Variants in ADGRV1 observed in about 807,000 individuals in gnomAD.
ADGRV1 encodes adhesion G protein-coupled receptor V1.
In ADGRV1, 359 loss-of-function variants were observed where a neutral mutation model predicts 596.2. The ratio of observed to expected loss-of-function variants is 0.60; its 90% CI spans 0.55 to 0.66. The LOEUF (loss-of-function observed/expected upper bound fraction) is 0.66, where lower values mean the gene tolerates loss of function less well. ADGRV1 is among the 30% of genes least tolerant of loss of function. The probability of loss-of-function intolerance (pLI) is 0.00; values close to 1 mark genes in which losing one functional copy is unlikely to be tolerated. For synonymous variants in ADGRV1, 2,681 were observed against 2,679.2 expected, an observed-to-expected ratio of 1.00 and a Z score of -0.02; for missense variants, 7,274 against 7,575.6, an observed-to-expected ratio of 0.96 and a Z score of 1.48.
chr5:90,758,613 A>G (rs949798632), intron 57 of ADGRV1, among the ~76,000 whole-genome samples: 2 of 152,162 alleles, frequency 1.3e-5, no homozygotes, highest in African/African-American at 4.8e-5. Context: ...ATTTGATTTT[A>G]TTCATGTTTC....
chr5:90,647,803 G>C (rs781269131), intron 17 of ADGRV1, 39 bp downstream of exon 17: 3 of 1,569,544 alleles, frequency 1.9e-6, no homozygotes, highest in Non-Finnish European at 2.6e-6. Flanking sequence ...ATCTGCCTCA[G>C]TGCTTTAATA....
intron 11 of ADGRV1, among the ~76,000 whole-genome samples, chr5:90,639,026 A>C (rs68045375): frequency 0.18 from 27,447 of 151,656 alleles, 2,670 homozygotes; most frequent in East Asian, 0.4. Flanking sequence ...AAAACAACCA[A>C]AATACCAAGC....
chr5:90,560,553 G>C (rs939353879), intron 1 of ADGRV1, among the ~76,000 whole-genome samples: 2 of 152,018 alleles, frequency 1.3e-5, no homozygotes, highest in Non-Finnish European at 2.9e-5. Context: ...TTTTCCAAAT[G>C]CTCTTAGGAC....
At chr5:90,926,507 T>A (rs1160651717) in intron 83 of ADGRV1, among the ~76,000 whole-genome samples, 2 of 151,536 alleles carry the variant, frequency 1.3e-5, no homozygotes, top group Non-Finnish European at 2.9e-5. Context: ...ATTGTGTCTA[T>A]TTGATTCTTC....
At chr5:91,129,725 TA>T (rs1426959964) in intron 87 of ADGRV1, among the ~76,000 whole-genome samples, 1 of 152,072 alleles carries the variant, frequency 6.6e-6, no homozygotes, top group Non-Finnish European at 1.5e-5. Flanking sequence ...TTTCAACTAT[TA>T]AAAAAAATCA....
At chr5:91,080,115 T>A (rs913563886) in intron 86 of ADGRV1, among the ~76,000 whole-genome samples, 2 of 152,198 alleles carry the variant, frequency 1.3e-5, no homozygotes, top group South Asian at 4.1e-4. Context: ...GTAACATACA[T>A]AGAATGTGTA....
chr5:90,914,442 G>A (rs1773169429), intron 83 of ADGRV1, among the ~76,000 whole-genome samples: 1 of 152,094 alleles, frequency 6.6e-6, no homozygotes, highest in Non-Finnish European at 1.5e-5. Flanking sequence ...TGATGAAACT[G>A]AGTTTAAATA....
intron 89 of ADGRV1, among the ~76,000 whole-genome samples, chr5:91,163,393 G>C (rs756955798): frequency 1.3e-5 from 2 of 152,052 alleles, no homozygotes; most frequent in Non-Finnish European, 2.9e-5. Context: ...ATGAATTCGG[G>C]GCCTATATGT....
intron 83 of ADGRV1, among the ~76,000 whole-genome samples, chr5:90,874,872 C>T (rs1769081786): frequency 1.3e-5 from 2 of 151,662 alleles, no homozygotes; most frequent in South Asian, 4.2e-4. Context: ...AAACAAAAAA[C>T]AAAAAACAAC....
chr5:90,787,922 A>T, intron 67 of ADGRV1, 149 bp from the exon 68 acceptor site: 1 of 550,252 alleles, frequency 1.8e-6, no homozygotes, highest in South Asian at 5.4e-5. Flanking sequence ...AAAAAAAAAC[A>T]AGTTTATGAA....
chr5:90,653,347 T>C lies in ADGRV1; in HGVS notation c.3773T>C (p.Leu1258Pro). Residue 1258 changes from leucine to proline, a missense_variant, in exon 20 of 90, where the codon CTG (leucine) becomes CCG (proline). By Grantham distance (98) the Leu-to-Pro change is moderately conservative. Transcript: ENST00000405460. ...CLEREVAEDV[L>P]SEDDMSYITN... ...GAGAGAGAAGTGGCAGAAGATGTCCTGTCTGAAGATGATATGTCTTATATT... is the reference window on the plus strand; with the variant it reads ...GAGAGAGAAGTGGCAGAAGATGTCCCGTCTGAAGATGATATGTCTTATATT... 1 of 1,614,000 alleles carries C rather than the reference T, an allele frequency of 6.2e-7. No homozygotes were observed. The highest frequency in any genetic ancestry group is 8.5e-7 in the Non-Finnish European group (1 of 1,179,874).
chr5:91,034,539 T>C (rs1784719214), intron 85 of ADGRV1, among the ~76,000 whole-genome samples: 1 of 152,174 alleles, frequency 6.6e-6, no homozygotes, highest in South Asian at 2.1e-4. Context: ...CTTGGCCTAA[T>C]TCCTTATCAC....
At position 90,888,308 on chromosome 5, in the gene ADGRV1, A is replaced by G. The variant is rs370239602; in HGVS notation, c.17856+24451A>G. Among the ~76,000 whole-genome samples the G allele has an allele frequency of 3.9e-5, 6 of 152,282 alleles. No homozygotes were observed. In the East Asian group the frequency reaches 9.7e-4, roughly 24 times the overall value. Reference sequence around the variant, plus strand: ...ATTTCATTTTTAAGCAGAAATATTTATGTAGATTTCTGCCTCATTACTGCA... The same window carrying G: ...ATTTCATTTTTAAGCAGAAATATTTGTGTAGATTTCTGCCTCATTACTGCA... On this transcript the variant is annotated intron_variant, in intron 83 of 89. Coordinates refer to ENST00000405460, the MANE Select transcript of ADGRV1 (RefSeq NM_032119.4).
chr5:90,933,416 C>T (rs138672272), intron 83 of ADGRV1, among the ~76,000 whole-genome samples: 205 of 152,184 alleles, frequency 1.3e-3, no homozygotes, highest in African/African-American at 4.3e-3. Context: ...ATGCATGTAG[C>T]TGGGGGATAC....
chr5:90,730,410 T>C (rs980262841), intron 50 of ADGRV1, among the ~76,000 whole-genome samples: 1 of 152,178 alleles, frequency 6.6e-6, no homozygotes, highest in Admixed American at 6.6e-5. Flanking sequence ...TTTTAAAATA[T>C]GAAAGTATGT....
rs191054838 is a variant in ADGRV1 at position 90,675,762 on chromosome 5, T to G, written c.5313+317T>G. 2.1e-3 allele frequency among the ~76,000 whole-genome samples: 312 copies of G among 151,776 alleles called. 2 individuals are homozygous for G. Among genetic ancestry groups the G allele is most frequent in the African/African-American group, 7.1e-3 (295 of 41,364 alleles). ...ATGATCCCACCACTGCACTCCAGCC[T>G]TGGTGACATTGTGAGACTCTGTCTC... On this transcript the variant is annotated intron_variant, in intron 24 of 89. Transcript: ENST00000405460.
At chr5:90,797,507 G>A (rs1760874284) in intron 70 of ADGRV1, among the ~76,000 whole-genome samples, 2 of 152,044 alleles carry the variant, frequency 1.3e-5, no homozygotes, top group East Asian at 1.9e-4. Context: ...AAGAGACTTA[G>A]ACTCCCACAC....
rs1375944066 is a variant in ADGRV1, at chr5:91,164,429, A to C, written c.*529A>C. 1 of 176,472 alleles carries C rather than the reference A, an allele frequency of 5.7e-6. No individual in the cohort carries two copies. The highest frequency in any genetic ancestry group is 2.4e-5 in the African/African-American group (1 of 42,032). The allele number at this position is 176,472 out of a possible 1,614,324, so 10.9% of individuals were successfully genotyped here. On this transcript the variant is annotated 3_prime_UTR_variant, in exon 90 of 90. Coordinates refer to ENST00000405460, the MANE Select transcript of ADGRV1 (RefSeq NM_032119.4). ...GATCCTGCACATAAATGTTGATTGG[A>C]GTACTGAAGTTGGCCTAGTCTTTCA...
rs74801604 is a variant in ADGRV1, at chr5:90,598,271, G to T, written c.23-16564G>T. ...TTTTGAATGCCATTGAATGATGAAT[G>T]AATGTTAGACACAGCCACAGCACAT... On this transcript the variant is annotated intron_variant, in intron 1 of 89. Coordinates refer to ENST00000405460, the MANE Select transcript of ADGRV1 (RefSeq NM_032119.4). Among the ~76,000 whole-genome samples, 633 of 152,320 alleles carry T rather than the reference G, an allele frequency of 4.2e-3. 5 individuals are homozygous for T. Among genetic ancestry groups the T allele is most frequent in the African/African-American group, 0.014 (601 of 41,562 alleles).
Sources: allele counts gnomAD v4.1 joint callset (sites outside exome capture counted in the v4.1 genomes callset), GRCh38; gene constraint gnomAD v4.1.1; transcripts MANE v1.5; gene names NCBI Gene and HGNC (gene_info 2026-07-23, HGNC 2026-07-21).